MYOCD: variants seen among roughly 807,000 people sequenced by gnomAD.
MYOCD encodes the protein myocardin.
MYOCD carries 32 observed loss-of-function variants against 96.1 expected under a neutral mutation model. The observed-to-expected ratio is 0.33, with a 90% CI of 0.25 to 0.45. The LOEUF (loss-of-function observed/expected upper bound fraction) is 0.45. Among genes scored for constraint, MYOCD ranks in the 20% least tolerant of loss-of-function variants. The probability of loss-of-function intolerance (pLI) is 1.00; values close to 1 mark genes in which losing one functional copy is unlikely to be tolerated. For missense variants in MYOCD, 1,133 were observed against 1,200.6 expected (o/e 0.94, Z 0.83); for synonymous variants, 469 against 469.0 (o/e 1.00, Z 0.00).
Position 12,758,218 on chromosome 17 carries a change from CCATGTGATTTGTTCTT to C in MYOCD, c.2331+6_2331+21del. 6.2e-7 allele frequency: 1 copy of C among 1,614,020 alleles called. No homozygotes were observed. Among genetic ancestry groups the C allele is most frequent in the Non-Finnish European group, 8.5e-7 (1 of 1,179,952 alleles). ...TATGAAGATGCCGTAAAGCAGGTAACCATGTGATTTGTTCTTTATGGAAGAATAGACTGACTCAATG... is the reference window on the plus strand; with the variant it reads ...TATGAAGATGCCGTAAAGCAGGTAACTATGGAAGAATAGACTGACTCAATG... On this transcript the variant is annotated splice_donor_region_variant and intron_variant, in intron 12 of 13. Coordinates refer to ENST00000425538, the MANE Select transcript of MYOCD (RefSeq NM_001146312.3).
chr17:12,687,415 C>T (rs2030182729), intron 1 of MYOCD, among the ~76,000 whole-genome samples: 1 of 152,106 alleles, frequency 6.6e-6, no homozygotes, highest in Non-Finnish European at 1.5e-5. Context: ...CAGAGCCATT[C>T]CTAGAGGGAC....
At position 12,768,789 on chromosome 17, in the gene MYOCD, G is replaced by A. The variant is rs368876696; in HGVS notation, c.*5145G>A. On this transcript the variant is annotated 3_prime_UTR_variant, in exon 14 of 14. Transcript: ENST00000425538. The stretch of plus-strand genomic sequence containing the variant: ...GGACCTTGTGGAGTGGTGTTTTCAC[G>A]TTGGTCTCTTTGGCTCAATTGAGCA... 2.6e-5 allele frequency: 4 copies of A among 151,862 alleles called. No homozygotes were observed. Among genetic ancestry groups the A allele is most frequent in the South Asian group, 2.1e-4 (1 of 4,804 alleles). 9.4% of individuals were successfully genotyped at this position (151,862 alleles called of 1,614,324 possible). A position where few individuals can be genotyped will look rare whatever the true frequency, so the allele number is the denominator to read the frequency against.
chr17:12,745,144 T>C (rs1033171140), intron 8 of MYOCD, among the ~76,000 whole-genome samples: 7 of 152,238 alleles, frequency 4.6e-5, no homozygotes, highest in Non-Finnish European at 8.8e-5. Context: ...GATTGACTCC[T>C]GAGCCCAGGT....
chr17:12,766,854 A>G lies in MYOCD; in HGVS notation c.*3210A>G, dbSNP rs569376766. 4.6e-5 allele frequency: 7 copies of G among 152,250 alleles called. No individual in the cohort carries two copies. The highest frequency in any genetic ancestry group is 1.7e-4 in the African/African-American group (7 of 41,560). The allele number at this position is 152,250 out of a possible 1,614,324, so 9.4% of individuals were successfully genotyped here. A position where few individuals can be genotyped will look rare whatever the true frequency, so the allele number is the denominator to read the frequency against. The stretch of plus-strand genomic sequence containing the variant: ...CTTATCTAAAGAAGTCAAAAAATTT[A>G]TTCGTGCAAGTGCTTGCAGGAAGCC... On this transcript the variant is annotated 3_prime_UTR_variant, in exon 14 of 14. Transcript: ENST00000425538.
At chr17:12,733,418 T>C (rs7225709) in intron 5 of MYOCD, among the ~76,000 whole-genome samples, 68,206 of 151,394 alleles carry the variant, frequency 0.45, 15,639 homozygotes, top group East Asian at 0.67. Context: ...CCATAAACCA[T>C]ACAATGGCTT....
chr17:12,714,568 AG>A (rs1567583803), intron 2 of MYOCD, among the ~76,000 whole-genome samples: 2 of 152,202 alleles, frequency 1.3e-5, no homozygotes, highest in Non-Finnish European at 2.9e-5. Flanking sequence ...AATCATGAAA[AG>A]TGATTATTTG....
At chr17:12,730,700 C>G (rs767319841) in intron 5 of MYOCD, among the ~76,000 whole-genome samples, 1 of 152,162 alleles carries the variant, frequency 6.6e-6, no homozygotes, top group Non-Finnish European at 1.5e-5. Flanking sequence ...GTACGACTTT[C>G]TCCCTTAGGA....
At chr17:12,686,744 TAAGAA>T (rs139371706) in intron 1 of MYOCD, among the ~76,000 whole-genome samples, 3,191 of 152,186 alleles carry the variant, frequency 0.021, 123 homozygotes, top group African/African-American at 0.072. Flanking sequence ...GAGTCCATTG[TAAGAA>T]AAGGTGCTGC....
chr17:12,706,790 A>G (rs1262132871), intron 2 of MYOCD, among the ~76,000 whole-genome samples: 1 of 152,230 alleles, frequency 6.6e-6, no homozygotes, highest in Non-Finnish European at 1.5e-5. Flanking sequence ...TTTGTTCCCC[A>G]GGAATTCCAG....
At chr17:12,690,135 G>A (rs1327744767) in intron 1 of MYOCD, among the ~76,000 whole-genome samples, 2 of 152,028 alleles carry the variant, frequency 1.3e-5, no homozygotes, top group Admixed American at 1.3e-4. Flanking sequence ...TATGTTTAAT[G>A]TACTTCAAAT....
Position 12,739,345 on chromosome 17 carries a change from C to T in MYOCD, c.717+17C>T, listed in dbSNP as rs531446212. 2.6e-6 allele frequency: 4 copies of T among 1,526,106 alleles called. No individual in the cohort carries two copies. In the Admixed American group the frequency reaches 6.8e-5, roughly 26 times the overall value. The allele number at this position is 1,526,106 out of a possible 1,614,324, so 94.5% of individuals were successfully genotyped here. A position where few individuals can be genotyped will look rare whatever the true frequency, so the allele number is the denominator to read the frequency against. Reference sequence around the variant, plus strand: ...GCTGTAAAGGTACGGACACATCAGCCTCCAAGCCCTGCCTGAGCGCTCGGC... The same window carrying T: ...GCTGTAAAGGTACGGACACATCAGCTTCCAAGCCCTGCCTGAGCGCTCGGC... On this transcript the variant is annotated intron_variant, in intron 7 of 13. Transcript: ENST00000425538.
chr17:12,723,077 A>C, intron 5 of MYOCD, 69 bp downstream of exon 5: 1 of 1,477,390 alleles, frequency 6.8e-7, no homozygotes, highest in South Asian at 1.3e-5. Flanking sequence ...GAGCTCTGAC[A>C]TACTAGGATC....
intron 1 of MYOCD, among the ~76,000 whole-genome samples, chr17:12,692,558 C>T (rs1361415365): frequency 2.0e-5 from 3 of 152,174 alleles, no homozygotes; most frequent in African/African-American, 4.8e-5. Flanking sequence ...CTATGTTTTC[C>T]GTTCCCAATG....
chr17:12,729,158 T>G (rs1449643763), intron 5 of MYOCD, among the ~76,000 whole-genome samples: 2 of 152,226 alleles, frequency 1.3e-5, no homozygotes, highest in East Asian at 3.8e-4. Flanking sequence ...TGCTTTGGCA[T>G]AACTTTCTCA....
Position 12,744,362 on chromosome 17 carries a change from C to T in MYOCD, c.897C>T (p.Leu299=), listed in dbSNP as rs984775004. ...AGCAACAGCAGCTGTTCCTGCAGCT[C>T]CAAATCCTCAGCCAGCAGCAGCAGC... The part of the protein sequence containing the change: ...LLQQQQLFLQ[L]QILSQQQQQQ... Residue 299 remains leucine, a synonymous_variant, in exon 8 of 14, where the codon CTC becomes CTT. Coordinates refer to ENST00000425538, the MANE Select transcript of MYOCD (RefSeq NM_001146312.3). 1.2e-6 allele frequency: 2 copies of T among 1,614,182 alleles called. No homozygotes were observed. The highest frequency in any genetic ancestry group is 2.7e-5 in the African/African-American group (2 of 75,054).
intron 1 of MYOCD, among the ~76,000 whole-genome samples, chr17:12,698,695 A>G (rs1196861017): frequency 1.3e-5 from 2 of 149,820 alleles, no homozygotes; most frequent in Non-Finnish European, 3.0e-5. Flanking sequence ...TTCTCCATAT[A>G]GAAGCAAAGA....
intron 1 of MYOCD, among the ~76,000 whole-genome samples, chr17:12,668,293 T>C (rs151166562): frequency 2.0e-5 from 3 of 152,316 alleles, no homozygotes; most frequent in African/African-American, 7.2e-5. Flanking sequence ...ACTCAAACAG[T>C]AAACTCATAA....
At chr17:12,756,804 T>C (rs983104494) in intron 11 of MYOCD, among the ~76,000 whole-genome samples, 2 of 151,756 alleles carry the variant, frequency 1.3e-5, no homozygotes, top group Non-Finnish European at 2.9e-5. Flanking sequence ...GAGGGACAGA[T>C]TGATTAGAAA....
intron 1 of MYOCD, among the ~76,000 whole-genome samples, chr17:12,691,853 AGGAGC>A (rs1597741413): frequency 1.3e-5 from 2 of 152,198 alleles, no homozygotes; most frequent in African/African-American, 4.8e-5. Context: ...TTTATATCTT[AGGAGC>A]TATGACCAGG....
Sources: allele counts gnomAD v4.1 joint callset (sites outside exome capture counted in the v4.1 genomes callset), GRCh38; gene constraint gnomAD v4.1.1; transcripts MANE v1.5; gene names NCBI Gene and HGNC (gene_info 2026-07-23, HGNC 2026-07-21).